AOPEP: variants seen among roughly 807,000 people sequenced by gnomAD.
AOPEP encodes the protein aminopeptidase O (putative).
A neutral mutation model predicts 98.1 loss-of-function variants in AOPEP; 77 were observed. The observed-to-expected ratio is 0.78, with a 90% confidence interval of 0.65 to 0.95. AOPEP has a LOEUF of 0.95. Among genes scored for constraint, AOPEP ranks in the 40% least tolerant of loss-of-function variants. The probability of loss-of-function intolerance (pLI) is 0.00; values close to 1 mark genes in which losing one functional copy is unlikely to be tolerated. For missense variants in AOPEP, 1,024 were observed against 1,024.7 expected (o/e 1.00, Z 0.01); for synonymous variants, 346 against 365.3 (o/e 0.95, Z 0.60).
intron 1 of AOPEP, among the ~76,000 whole-genome samples, chr9:94,744,701 CAA>C (rs757571360): frequency 5.4e-5 from 3 of 56,054 alleles, no homozygotes; most frequent in Admixed American, 1.9e-4. Context: ...GACTCTGTCT[CAA>C]AAAAAAAAAA....
chr9:94,987,048 A>G (rs1422313412), intron 11 of AOPEP, among the ~76,000 whole-genome samples: 3 of 152,254 alleles, frequency 2.0e-5, no homozygotes, highest in African/African-American at 7.2e-5. Flanking sequence ...AGGATCTGAA[A>G]TCAGACCTCT....
chr9:94,727,151 G>T (rs1255888677), intron 1 of AOPEP, among the ~76,000 whole-genome samples: 4 of 152,196 alleles, frequency 2.6e-5, no homozygotes, highest in African/African-American at 9.7e-5. Flanking sequence ...GTTTCGATTC[G>T]ATTCATTTCC....
At chr9:95,103,953 A>AAGAT in the AOPEP span, among the ~76,000 whole-genome samples, 31 of 152,296 alleles carry the variant, frequency 2.0e-4, no homozygotes, top group African/African-American at 7.2e-4. Context: ...TCTGGATGCC[A>AAGAT]AGATAGAGGG....
chr9:95,016,342 A>G (rs1335108502), intron 13 of AOPEP, among the ~76,000 whole-genome samples: 1 of 148,566 alleles, frequency 6.7e-6, no homozygotes, highest in East Asian at 2.0e-4. Flanking sequence ...TCCCGGGTTC[A>G]AGCCATTCTC....
chr9:95,101,766 T>A, the AOPEP span: 2 of 1,614,148 alleles, frequency 1.2e-6, no homozygotes, highest in Non-Finnish European at 1.7e-6. Flanking sequence ...GATCTAGGGC[T>A]TTCAATGCCA....
chr9:94,826,012 A>G (rs567201718), intron 5 of AOPEP, among the ~76,000 whole-genome samples: 1 of 152,094 alleles, frequency 6.6e-6, no homozygotes, highest in East Asian at 1.9e-4. Context: ...AAAACCTGTG[A>G]CCCATATTTT....
rs1173964363 is a variant in AOPEP at position 94,955,200 on chromosome 9, ACAC to A, written c.1686_1688del (p.His562_Thr563delinsGln). 6.2e-7 allele frequency: 1 copy of A among 1,612,966 alleles called. No homozygotes were observed. The highest frequency in any genetic ancestry group is 8.5e-7 in the Non-Finnish European group (1 of 1,179,596). ...AGACCCAGTAAAGACAAAACTGGCC[ACAC>A]AAGTGACTCGGGAGCATCTGTTATC... On this transcript the variant is annotated inframe_deletion, in exon 8 of 17. Coordinates refer to ENST00000375315, the MANE Select transcript of AOPEP (RefSeq NM_001193329.3).
At chr9:95,120,308 A>G in the AOPEP span, among the ~76,000 whole-genome samples, 1 of 152,166 alleles carries the variant, frequency 6.6e-6, no homozygotes, top group Non-Finnish European at 1.5e-5. Context: ...TCTGTCAAAA[A>G]TCAGTTGGCC....
chr9:94,751,832 G>A (rs1835852616), intron 1 of AOPEP, among the ~76,000 whole-genome samples: 1 of 150,516 alleles, frequency 6.6e-6, no homozygotes, highest in Non-Finnish European at 1.5e-5. Context: ...ATGATGCTGA[G>A]GTTTGGGCTT....
the AOPEP span, chr9:95,135,222 G>A: frequency 1.1e-5 from 10 of 945,380 alleles, no homozygotes; most frequent in East Asian, 2.5e-5. Context: ...GTAAATACAC[G>A]ATTATATATA....
Position 95,082,631 on chromosome 9 carries a change from G to T in AOPEP, c.2376G>T (p.Gln792His). 6.2e-7 allele frequency: 1 copy of T among 1,614,266 alleles called. No individual in the cohort carries two copies. Among genetic ancestry groups the T allele is most frequent in the Non-Finnish European group, 8.5e-7 (1 of 1,180,052 alleles). ...TGGTGAGTGAGGACGCCAGACAGCAGCAGCTCGCCCGTAGGTGCTTCGAGC... is the reference window on the plus strand; with the variant it reads ...TGGTGAGTGAGGACGCCAGACAGCATCAGCTCGCCCGTAGGTGCTTCGAGC... ...ELMVSEDARQ[Q>H]QLARRCFERT... is the part of the protein sequence containing the mutation. Residue 792 changes from glutamine (Q) to histidine (H), a missense_variant, in exon 16 of 17, where the codon CAG (glutamine) becomes CAT (histidine). Coordinates refer to ENST00000375315, the MANE Select transcript of AOPEP (RefSeq NM_001193329.3).
intron 5 of AOPEP, among the ~76,000 whole-genome samples, chr9:94,893,310 G>A (rs2049083524): frequency 6.6e-6 from 1 of 152,110 alleles, no homozygotes; most frequent in Admixed American, 6.6e-5. Context: ...AAAGACACAG[G>A]AAATAGCCAG....
At chr9:95,013,147 C>G (rs1157866991) in intron 13 of AOPEP, among the ~76,000 whole-genome samples, 1 of 151,824 alleles carries the variant, frequency 6.6e-6, no homozygotes, top group South Asian at 2.1e-4. Context: ...CTCAGTAGGC[C>G]AATTAAACCC....
chr9:95,119,893 G>T, the AOPEP span, among the ~76,000 whole-genome samples: 2 of 152,078 alleles, frequency 1.3e-5, no homozygotes, highest in Non-Finnish European at 2.9e-5. Flanking sequence ...TGTATTTTTT[G>T]TAGAAAAGGG....
At chr9:95,137,947 A>T in the AOPEP span, among the ~76,000 whole-genome samples, 7 of 152,266 alleles carry the variant, frequency 4.6e-5, no homozygotes, top group Non-Finnish European at 7.3e-5. Flanking sequence ...ACAGGACTTC[A>T]GAGGACTGGC....
chr9:95,096,294 G>A, the AOPEP span, among the ~76,000 whole-genome samples: 1 of 152,206 alleles, frequency 6.6e-6, no homozygotes, highest in African/African-American at 2.4e-5. Context: ...GTAGCGGGGA[G>A]TGACAGAGGG....
rs72750317 is a variant in AOPEP, at chr9:94,937,777, C to G, written c.1661+9246C>G. On this transcript the variant is annotated intron_variant, in intron 7 of 16. Coordinates refer to ENST00000375315, the MANE Select transcript of AOPEP (RefSeq NM_001193329.3). Reference sequence around the variant, plus strand: ...CCTCTGTACTCCTAGGCTCTCTTCTCTGTCTCTCTCTGATCTTACTACATG... The same window carrying G: ...CCTCTGTACTCCTAGGCTCTCTTCTGTGTCTCTCTCTGATCTTACTACATG... Among the ~76,000 whole-genome samples, 800 of 152,310 alleles carry G rather than the reference C, an allele frequency of 5.3e-3. 14 individuals are homozygous for G. Among genetic ancestry groups the G allele is most frequent in the East Asian group, 0.043 (224 of 5,182 alleles).
At chr9:95,112,035 T>C in the AOPEP span, among the ~76,000 whole-genome samples, 1 of 152,246 alleles carries the variant, frequency 6.6e-6, no homozygotes, top group Admixed American at 6.5e-5. Flanking sequence ...AAACATGGGC[T>C]ATTTCCCTTC....
chr9:95,071,886 C>T (rs1221005548), intron 14 of AOPEP, among the ~76,000 whole-genome samples: 1 of 152,166 alleles, frequency 6.6e-6, no homozygotes, highest in Non-Finnish European at 1.5e-5. Context: ...ACCATGTTTC[C>T]TTGTACAGAG....
Sources: allele counts gnomAD v4.1 joint callset (sites outside exome capture counted in the v4.1 genomes callset), GRCh38; gene constraint gnomAD v4.1.1; transcripts MANE v1.5; gene names NCBI Gene and HGNC (gene_info 2026-07-23, HGNC 2026-07-21).